The following RUNX2 variants were observed in gnomAD, a reference collection of about 807,000 sequenced individuals.
The protein encoded by RUNX2 is runt-related transcription factor 2.
RUNX2 carries 10 observed loss-of-function variants against 51.7 expected under a neutral mutation model. The observed-to-expected ratio is 0.19, with a 90% CI of 0.12 to 0.33. RUNX2 has a LOEUF of 0.33. Among genes scored for constraint, RUNX2 ranks in the 10% least tolerant of loss-of-function variants. The pLI, the probability that RUNX2 is intolerant of heterozygous loss-of-function variation, is 1.00. For missense variants in RUNX2, 562 were observed against 691.3 expected (o/e 0.81, Z 2.10); for synonymous variants, 276 against 273.6 (o/e 1.01, Z -0.09).
At chr6:45,535,326 C>T (rs188231133) in intron 7 of RUNX2, among the ~76,000 whole-genome samples, 113 of 152,020 alleles carry the variant, frequency 7.4e-4, no homozygotes, top group African/African-American at 2.4e-3. Flanking sequence ...ACAAATGGGC[C>T]GGGGGCAGTG....
In RUNX2 at chr6:45,489,704, G is replaced by T. The variant is rs577303622; in HGVS notation, c.686-2237G>T. On this transcript the variant is annotated intron_variant, in intron 5 of 8. Coordinates refer to ENST00000647337, the MANE Select transcript of RUNX2 (RefSeq NM_001024630.4). ...ACCAATACTATGTGTGTGCATGTGTGTGTCTGTGTGTGAGTGTGAGGAACA... is the reference window on the plus strand; with the variant it reads ...ACCAATACTATGTGTGTGCATGTGTTTGTCTGTGTGTGAGTGTGAGGAACA... 5.5e-3 allele frequency among the ~76,000 whole-genome samples: 844 copies of T among 152,264 alleles called. 2 individuals carry two copies. Among genetic ancestry groups the T allele is most frequent in the Admixed American group, 7.4e-3 (113 of 15,298 alleles).
intron 6 of RUNX2, among the ~76,000 whole-genome samples, chr6:45,507,517 G>A (rs1801007643): frequency 6.6e-6 from 1 of 152,022 alleles, no homozygotes; most frequent in South Asian, 2.1e-4. Context: ...TCCATAAAAA[G>A]CAAATATGTT....
At chr6:45,421,263 T>A (rs776686637) in intron 2 of RUNX2, 1 of 152,096 alleles carries the variant, frequency 6.6e-6, no homozygotes, top group African/African-American at 2.4e-5. Flanking sequence ...AGTTTTTCAG[T>A]CCTTAAAACA....
At position 45,460,171 on chromosome 6, in the gene RUNX2, G is replaced by A. The variant is rs546571084; in HGVS notation, c.685+22120G>A. ...AATAAATAATTTTAGATAGAGAAGA[G>A]GGCCAAGGACAGATCCCTGGGGGTA... On this transcript the variant is annotated intron_variant, in intron 5 of 8. Coordinates refer to ENST00000647337, the MANE Select transcript of RUNX2 (RefSeq NM_001024630.4). Among the ~76,000 whole-genome samples, 5 of 152,226 alleles carry A rather than the reference G, an allele frequency of 3.3e-5. No individual in the cohort carries two copies. The South Asian group carries it at 1.0e-3, about 32-fold the overall frequency.
intron 2 of RUNX2, among the ~76,000 whole-genome samples, chr6:45,333,499 G>T (rs1303583310): frequency 6.6e-6 from 1 of 151,462 alleles, no homozygotes; most frequent in East Asian, 1.9e-4. Context: ...TCAAGATTTG[G>T]AACAGTGTTG....
At position 45,422,670 on chromosome 6, in the gene RUNX2, G is replaced by T. The variant is rs1798236484; in HGVS notation, c.136G>T (p.Val46Leu). 2.5e-6 allele frequency: 4 copies of T among 1,606,676 alleles called. No homozygotes were observed. The highest frequency in any genetic ancestry group is 3.4e-6 in the Non-Finnish European group (4 of 1,177,402). ...PGKMSDVSPV[V>L]AAQQQQQQQQ... is the part of the protein sequence containing the mutation. ...CAAAATGAGCGACGTGAGCCCGGTG[G>T]TGGCTGCGCAACAGCAGCAGCAACA... Residue 46 changes from valine (V) to leucine (L), a missense_variant, in exon 3 of 9, where the codon GTG becomes TTG. By Grantham distance (32) the Val-to-Leu change is conservative. Transcript: ENST00000647337.
intron 5 of RUNX2, among the ~76,000 whole-genome samples, chr6:45,491,629 T>TTTG (rs1165149481): frequency 5.7e-4 from 85 of 148,218 alleles, no homozygotes; most frequent in African/African-American, 2.1e-3. Flanking sequence ...TTTGTTTTTT[T>TTTG]TTTTTTTTTT....
chr6:45,374,886 A>G (rs1359701226), intron 2 of RUNX2, among the ~76,000 whole-genome samples: 2 of 152,228 alleles, frequency 1.3e-5, no homozygotes, highest in African/African-American at 4.8e-5. Flanking sequence ...ATTTAGACAC[A>G]AAAACAGTAA....
chr6:45,328,608 T>C, intron 1 of RUNX2, 53 bp from the exon 2 acceptor site: 2 of 1,607,180 alleles, frequency 1.2e-6, no homozygotes, highest in Non-Finnish European at 1.7e-6. Flanking sequence ...GTCTATGTAC[T>C]CCAGGCATAC....
chr6:45,481,480 C>T (rs1800112326), intron 5 of RUNX2, among the ~76,000 whole-genome samples: 7 of 152,154 alleles, frequency 4.6e-5, no homozygotes, highest in Admixed American at 1.3e-4. Flanking sequence ...GGAACTAAAA[C>T]ACTCAAGTTT....
chr6:45,336,323 C>T (rs191185632), intron 2 of RUNX2, among the ~76,000 whole-genome samples: 252 of 151,492 alleles, frequency 1.7e-3, no homozygotes, highest in African/African-American at 5.8e-3. Flanking sequence ...CCTTATAACA[C>T]GCATAAGCAT....
chr6:45,490,362 C>G (rs976451446), intron 5 of RUNX2, among the ~76,000 whole-genome samples: 55 of 152,150 alleles, frequency 3.6e-4, no homozygotes, highest in African/African-American at 1.3e-3. Context: ...CAAAAACTTG[C>G]ACTGGCAGGA....
At chr6:45,524,739 G>A (rs1801618264) in intron 7 of RUNX2, among the ~76,000 whole-genome samples, 1 of 152,156 alleles carries the variant, frequency 6.6e-6, no homozygotes. Flanking sequence ...TAGCGTTATG[G>A]TACTCATCAT....
chr6:45,451,426 A>T (rs1254631341), intron 5 of RUNX2, among the ~76,000 whole-genome samples: 1 of 152,264 alleles, frequency 6.6e-6, no homozygotes, highest in East Asian at 1.9e-4. Flanking sequence ...GACAATGAGA[A>T]GCAATCCCGA....
intron 2 of RUNX2, among the ~76,000 whole-genome samples, chr6:45,400,499 A>T (rs972719072): frequency 1.3e-5 from 2 of 152,176 alleles, no homozygotes; most frequent in African/African-American, 4.8e-5. Context: ...TCCTTAAATG[A>T]TCTAGATAAA....
intron 5 of RUNX2, among the ~76,000 whole-genome samples, chr6:45,486,221 A>C (rs1800279122): frequency 6.6e-6 from 1 of 152,142 alleles, no homozygotes; most frequent in African/African-American, 2.4e-5. Context: ...ATGGCATTTT[A>C]GTGATTGCCC....
intron 2 of RUNX2, among the ~76,000 whole-genome samples, chr6:45,407,269 C>T (rs73441925): frequency 0.02 from 3,066 of 151,842 alleles, 75 homozygotes; most frequent in East Asian, 0.1. Flanking sequence ...AGGCTGGTCT[C>T]GAACTCCTGA....
At chr6:45,531,623 C>T (rs914711162) in intron 7 of RUNX2, among the ~76,000 whole-genome samples, 6 of 151,840 alleles carry the variant, frequency 4.0e-5, no homozygotes, top group Admixed American at 1.3e-4. Context: ...CGTGGTGGTG[C>T]GCACCTGTAG....
At chr6:45,453,019 C>T (rs1799218333) in intron 5 of RUNX2, among the ~76,000 whole-genome samples, 1 of 152,198 alleles carries the variant, frequency 6.6e-6, no homozygotes, top group Non-Finnish European at 1.5e-5. Context: ...TTCCACTGCC[C>T]TCCTTTCTTC....
Sources: gnomAD v4.1 joint callset for allele counts (sites outside exome capture counted in the v4.1 genomes callset) on GRCh38, gnomAD v4.1.1 for gene constraint, MANE v1.5 for transcripts, NCBI Gene and HGNC (gene_info 2026-07-23, HGNC 2026-07-21) for gene names.